CREBBP: variants seen among roughly 807,000 people sequenced by gnomAD.
CREBBP encodes the protein CREB binding lysine acetyltransferase.
CREBBP carries 19 observed loss-of-function variants against 265.0 expected under a neutral mutation model. That is an observed-to-expected ratio of 0.07 (90% CI 0.05 to 0.11). The LOEUF (loss-of-function observed/expected upper bound fraction) is 0.11. Among genes scored for constraint, CREBBP ranks in the 10% least tolerant of loss-of-function variants. The pLI is 1.00. For synonymous variants in CREBBP, 1,457 were observed against 1,223.7 expected, an observed-to-expected ratio of 1.19 and a Z score of -3.98; for missense variants, 2,525 against 3,219.0, an observed-to-expected ratio of 0.78 and a Z score of 5.22.
At chr16:3,850,267 G>A in intron 2 of CREBBP, 30 bp downstream of exon 2, 1 of 1,610,598 alleles carries the variant, frequency 6.2e-7, no homozygotes, top group Non-Finnish European at 8.5e-7. Flanking sequence ...GGTTAGGTAG[G>A]AAGTATTGAA....
intron 23 of CREBBP, among the ~76,000 whole-genome samples, chr16:3,743,940 G>C (rs902610697): frequency 6.6e-6 from 1 of 152,106 alleles, no homozygotes; most frequent in Non-Finnish European, 1.5e-5. Context: ...GCTGGGCAAG[G>C]TGGCGGGCGC....
At chr16:3,773,013 G>A (rs1281355472) in intron 13 of CREBBP, among the ~76,000 whole-genome samples, 6 of 151,556 alleles carry the variant, frequency 4.0e-5, no homozygotes, top group South Asian at 4.2e-4. Context: ...GCTTGAACCC[G>A]GGAGGCGGAG....
intron 12 of CREBBP, 35 bp from the exon 13 acceptor site, chr16:3,773,965 C>T (rs369594170): frequency 4.0e-5 from 64 of 1,609,316 alleles, no homozygotes; most frequent in Middle Eastern, 2.3e-4. Flanking sequence ...AGCTGTAGTT[C>T]GGAAGCTGAC....
intron 20 of CREBBP, among the ~76,000 whole-genome samples, chr16:3,750,636 T>A (rs990425475): frequency 6.6e-6 from 1 of 152,190 alleles, no homozygotes; most frequent in African/African-American, 2.4e-5. Context: ...TGCCGGATAA[T>A]AAACACTGGA....
chr16:3,775,055 G>A (rs1179134393), intron 11 of CREBBP, among the ~76,000 whole-genome samples: 1 of 152,142 alleles, frequency 6.6e-6, no homozygotes, highest in East Asian at 1.9e-4. Context: ...GTGAGGAGGT[G>A]CCCTGAAAGG....
chr16:3,744,571 T>C (rs2052295668), intron 23 of CREBBP, among the ~76,000 whole-genome samples: 1 of 152,128 alleles, frequency 6.6e-6, no homozygotes, highest in South Asian at 2.1e-4. Flanking sequence ...AGGCTGCGAG[T>C]CCTGCTCTGA....
intron 1 of CREBBP, among the ~76,000 whole-genome samples, chr16:3,871,102 AGAAAG>A (rs2055286212): frequency 6.6e-6 from 1 of 151,930 alleles, no homozygotes; most frequent in Non-Finnish European, 1.5e-5. Context: ...GAAAGAAAAA[AGAAAG>A]AAAGAAGAGA....
intron 1 of CREBBP, among the ~76,000 whole-genome samples, chr16:3,865,877 C>T (rs1353310686): frequency 6.6e-6 from 1 of 152,072 alleles, no homozygotes; most frequent in African/African-American, 2.4e-5. Context: ...ACCTCATGAT[C>T]CATCAACTCA....
rs998862254 is a variant in CREBBP at position 3,727,329 on chromosome 16, C to T, written c.*389G>A. 1.5e-5 allele frequency: 4 copies of T among 266,944 alleles called. No individual in the cohort carries two copies. Among genetic ancestry groups the T allele is most frequent in the African/African-American group, 4.4e-5 (2 of 45,296 alleles). The allele number at this position is 266,944 out of a possible 1,614,324, so 16.5% of individuals were successfully genotyped here. A position where few individuals can be genotyped will look rare whatever the true frequency, so the allele number is the denominator to read the frequency against. ...TATTATTTTTCTTCTTACTTTTAAA[C>T]ATAAATGTTTAAAGTCTTGAAAATA... On this transcript the variant is annotated 3_prime_UTR_variant, in exon 31 of 31. Coordinates refer to ENST00000262367, the MANE Select transcript of CREBBP (RefSeq NM_004380.3).
At chr16:3,855,276 G>C (rs1366788863) in intron 1 of CREBBP, among the ~76,000 whole-genome samples, 2 of 152,104 alleles carry the variant, frequency 1.3e-5, no homozygotes, top group Non-Finnish European at 2.9e-5. Context: ...ATTCTTATTT[G>C]TTTATTAGAC....
intron 16 of CREBBP, among the ~76,000 whole-genome samples, chr16:3,766,505 G>C (rs1230118346): frequency 6.6e-6 from 1 of 151,558 alleles, no homozygotes; most frequent in African/African-American, 2.4e-5. Context: ...TATTTTAAAT[G>C]AACTAAATAT....
intron 2 of CREBBP, among the ~76,000 whole-genome samples, chr16:3,847,334 T>C (rs2054688692): frequency 6.6e-6 from 1 of 152,180 alleles, no homozygotes; most frequent in Non-Finnish European, 1.5e-5. Flanking sequence ...TAAAACAAAA[T>C]TATCTTAAAA....
Position 3,737,036 on chromosome 16 carries a change from G to A in CREBBP, c.4395-221C>T, listed in dbSNP as rs2052079318. ...CCCTGCAACACTTCTCCCTTGGGGTGCACACACAGGGCAGGGCCGAGGCTG... is the reference window on the plus strand; with the variant it reads ...CCCTGCAACACTTCTCCCTTGGGGTACACACACAGGGCAGGGCCGAGGCTG... On this transcript the variant is annotated intron_variant, in intron 26 of 30. Coordinates refer to ENST00000262367, the MANE Select transcript of CREBBP (RefSeq NM_004380.3). 8.1e-6 allele frequency: 5 copies of A among 614,862 alleles called. No homozygotes were observed. The South Asian group carries it at 9.5e-5, about 12-fold the overall frequency. The allele number at this position is 614,862 out of a possible 1,614,324, so 38.1% of individuals were successfully genotyped here. A position where few individuals can be genotyped will look rare whatever the true frequency, so the allele number is the denominator to read the frequency against.
rs933022807 is a variant in CREBBP, at chr16:3,736,491, G to GAA, written c.4560+157_4560+158dup. On this transcript the variant is annotated intron_variant, in intron 27 of 30. Transcript: ENST00000262367. ...CAGGGGAAAGCCTCAATCAGCTGAA[G>GAA]AAAATGCTTCTAAGTTCTCACTTTA... is the stretch of plus-strand genomic sequence containing the variant. The GAA allele has an allele frequency of 3.6e-6, 4 of 1,120,316 alleles. No individual in the cohort carries two copies. In the African/African-American group the frequency reaches 6.2e-5, roughly 17 times the overall value. 69.4% of individuals were successfully genotyped at this position (1,120,316 alleles called of 1,614,324 possible).
intron 1 of CREBBP, among the ~76,000 whole-genome samples, chr16:3,862,492 C>A (rs546891655): frequency 6.6e-6 from 1 of 152,202 alleles, no homozygotes; most frequent in African/African-American, 2.4e-5. Flanking sequence ...TGTCTTAAAA[C>A]CCTCAACACA....
intron 27 of CREBBP, chr16:3,736,442 C>G (rs943619444): frequency 1.0e-5 from 8 of 799,592 alleles, no homozygotes; most frequent in East Asian, 2.7e-5. Context: ...GGAAACAGCT[C>G]CAACTGTGCT....
At chr16:3,813,291 C>T (rs930342951) in intron 2 of CREBBP, among the ~76,000 whole-genome samples, 2 of 152,186 alleles carry the variant, frequency 1.3e-5, no homozygotes, top group African/African-American at 4.8e-5. Flanking sequence ...CTTAAGTGAA[C>T]TGAGACACTA....
In CREBBP at chr16:3,757,845, A is replaced by C. The variant is rs536159666; in HGVS notation, c.3573T>G (p.Pro1191=). 1.2e-6 allele frequency: 2 copies of C among 1,614,202 alleles called. No homozygotes were observed. The highest frequency in any genetic ancestry group is 2.7e-5 in the African/African-American group (2 of 75,046). ...LAEVFEQEID[P]VMQSLGYCCG... is the part of the protein sequence containing the mutation. ...AGCAATATCCAAGGGACTGCATGAC[A>C]GGGTCAATTTCCTGCTCAAAGACCT... Residue 1191 remains proline (P), a synonymous_variant, in exon 18 of 31, where the codon CCT becomes CCG. Coordinates refer to ENST00000262367, the MANE Select transcript of CREBBP (RefSeq NM_004380.3).
At chr16:3,734,040 C>T (rs1203518374) in intron 28 of CREBBP, among the ~76,000 whole-genome samples, 3 of 152,160 alleles carry the variant, frequency 2.0e-5, no homozygotes, top group Admixed American at 6.5e-5. Context: ...CTGGTCTTCC[C>T]GAGCAGCAGT....
Sources: allele counts gnomAD v4.1 joint callset (sites outside exome capture counted in the v4.1 genomes callset), GRCh38; gene constraint gnomAD v4.1.1; transcripts MANE v1.5; gene names NCBI Gene and HGNC (gene_info 2026-07-23, HGNC 2026-07-21).